Variants in CCDC91 observed in about 807,000 individuals in gnomAD.
CCDC91 encodes the protein coiled-coil domain containing 91.
CCDC91 carries 48 observed loss-of-function variants against 63.2 expected under a neutral mutation model. The observed-to-expected ratio is 0.76, with a 90% confidence interval of 0.60 to 0.97. The LOEUF (loss-of-function observed/expected upper bound fraction) is 0.97. Among genes scored for constraint, CCDC91 ranks in the 50% least tolerant of loss-of-function variants. The pLI is 0.00. For missense variants in CCDC91, 500 were observed against 494.6 expected, an observed-to-expected ratio of 1.01 and a Z score of -0.10; for synonymous variants, 167 against 165.8, an observed-to-expected ratio of 1.01 and a Z score of -0.06.
At chr12:28,231,288 T>C (rs961766217) in intron 1 of CCDC91, among the ~76,000 whole-genome samples, 40 of 152,196 alleles carry the variant, frequency 2.6e-4, no homozygotes, top group African/African-American at 8.9e-4. Flanking sequence ...AAATGGACTT[T>C]CCATAGGTTC....
intron 1 of CCDC91, among the ~76,000 whole-genome samples, chr12:28,244,396 A>G (rs1256891570): frequency 7.0e-6 from 1 of 143,462 alleles, no homozygotes; most frequent in Non-Finnish European, 1.5e-5. Flanking sequence ...TCTGATTATT[A>G]TTGCTGTATA....
chr12:28,486,623 A>G (rs1377742659), intron 12 of CCDC91, among the ~76,000 whole-genome samples: 3 of 152,096 alleles, frequency 2.0e-5, no homozygotes, highest in African/African-American at 7.2e-5. Flanking sequence ...GCCTATAATA[A>G]GAATAAGAAA....
At chr12:28,451,279 AGAGATACT>A (rs1949790507) in intron 10 of CCDC91, among the ~76,000 whole-genome samples, 1 of 151,750 alleles carries the variant, frequency 6.6e-6, no homozygotes, top group African/African-American at 2.4e-5. Flanking sequence ...AGTCTGTCTA[AGAGATACT>A]GAGTGGTAGA....
chr12:28,376,895 A>T (rs575982583), intron 7 of CCDC91, among the ~76,000 whole-genome samples: 1 of 151,960 alleles, frequency 6.6e-6, no homozygotes, highest in African/African-American at 2.4e-5. Context: ...GTGTGTTAAA[A>T]TTCAAAGTTG....
At chr12:28,502,935 A>G (rs903299981) in intron 12 of CCDC91, among the ~76,000 whole-genome samples, 1 of 150,108 alleles carries the variant, frequency 6.7e-6, no homozygotes, top group Non-Finnish European at 1.5e-5. Flanking sequence ...AATTAATTCA[A>G]GATGGATTAA....
intron 8 of CCDC91, among the ~76,000 whole-genome samples, chr12:28,433,781 A>T (rs1192603913): frequency 6.6e-6 from 1 of 151,984 alleles, no homozygotes; most frequent in Non-Finnish European, 1.5e-5. Context: ...TTGAAACTCT[A>T]GACCAAGATG....
intron 6 of CCDC91, among the ~76,000 whole-genome samples, chr12:28,344,141 TC>T (rs1942637498): frequency 6.6e-6 from 1 of 152,032 alleles, no homozygotes; most frequent in Admixed American, 6.6e-5. Flanking sequence ...TAATAAGAAA[TC>T]AAAGTTATAC....
At chr12:28,305,351 G>A (rs1938598169) in intron 3 of CCDC91, among the ~76,000 whole-genome samples, 1 of 151,800 alleles carries the variant, frequency 6.6e-6, no homozygotes, top group African/African-American at 2.4e-5. Flanking sequence ...TCTCTATGTT[G>A]GAAATGTACT....
chr12:28,197,726 A>G (rs1402466268), intron 1 of CCDC91, among the ~76,000 whole-genome samples: 1 of 152,116 alleles, frequency 6.6e-6, no homozygotes, highest in Non-Finnish European at 1.5e-5. Context: ...TGCTAACAAT[A>G]AATTTACTAA....
intron 8 of CCDC91, among the ~76,000 whole-genome samples, chr12:28,441,687 G>GTGTA (rs1555214138): frequency 1.4e-5 from 2 of 144,602 alleles, no homozygotes; most frequent in African/African-American, 5.1e-5. Context: ...TATCTCATGT[G>GTGTA]TATATATATA....
chr12:28,364,078 A>G (rs1261712363), intron 7 of CCDC91, among the ~76,000 whole-genome samples: 2 of 151,914 alleles, frequency 1.3e-5, no homozygotes, highest in African/African-American at 4.8e-5. Context: ...CATTGTTAAA[A>G]AGGTCATTAA....
intron 11 of CCDC91, among the ~76,000 whole-genome samples, chr12:28,471,716 A>G (rs1433511049): frequency 6.6e-6 from 1 of 152,102 alleles, no homozygotes; most frequent in East Asian, 1.9e-4. Flanking sequence ...TCAGGCCAAT[A>G]TAATATAGCT....
At chr12:28,272,799 GC>G (rs1249855752) in intron 3 of CCDC91, among the ~76,000 whole-genome samples, 1 of 151,766 alleles carries the variant, frequency 6.6e-6, no homozygotes, top group Non-Finnish European at 1.5e-5. Flanking sequence ...TATGCTTATG[GC>G]CTAATTAGAA....
chr12:28,531,070 G>A (rs967988959), intron 12 of CCDC91, among the ~76,000 whole-genome samples: 2 of 151,982 alleles, frequency 1.3e-5, no homozygotes, highest in South Asian at 2.1e-4. Flanking sequence ...AACACAAAAC[G>A]GACTAGGACA....
At chr12:28,514,831 T>G (rs1939763559) in intron 12 of CCDC91, among the ~76,000 whole-genome samples, 1 of 151,848 alleles carries the variant, frequency 6.6e-6, no homozygotes, top group Non-Finnish European at 1.5e-5. Flanking sequence ...CTCTCTATTC[T>G]GTTTCTTTGG....
intron 12 of CCDC91, among the ~76,000 whole-genome samples, chr12:28,533,027 A>G (rs757976869): frequency 1.2e-4 from 18 of 152,084 alleles, no homozygotes; most frequent in Non-Finnish European, 2.4e-4. Context: ...AACCTTTATT[A>G]AACACCTACC....
At position 28,411,912 on chromosome 12, in the gene CCDC91, G is replaced by A. The variant is rs960117918; in HGVS notation, c.762+20501G>A. Among the ~76,000 whole-genome samples, 7 of 152,122 alleles carry A rather than the reference G, an allele frequency of 4.6e-5. No homozygotes were observed. The South Asian group carries it at 1.0e-3, about 23-fold the overall frequency. On this transcript the variant is annotated intron_variant, in intron 8 of 12. Transcript: ENST00000536442. ...GAAGAAGGCATCACACCATTCATGA[G>A]GGATCCACTCCGATAACCCAGACAC...
At chr12:28,373,155 G>C (rs553487075) in intron 7 of CCDC91, among the ~76,000 whole-genome samples, 1 of 152,214 alleles carries the variant, frequency 6.6e-6, no homozygotes, top group East Asian at 1.9e-4. Flanking sequence ...TTAGTACTTT[G>C]AATATGTCAT....
intron 6 of CCDC91, among the ~76,000 whole-genome samples, chr12:28,333,628 G>A (rs540269969): frequency 6.6e-6 from 1 of 151,722 alleles, no homozygotes; most frequent in Non-Finnish European, 1.5e-5. Flanking sequence ...TCTCTATCTT[G>A]GTATCTTTCT....
Sources: allele counts gnomAD v4.1 joint callset (sites outside exome capture counted in the v4.1 genomes callset), GRCh38; gene constraint gnomAD v4.1.1; transcripts MANE v1.5; gene names NCBI Gene and HGNC (gene_info 2026-07-23, HGNC 2026-07-21).